RASSF8: variants seen among roughly 807,000 people sequenced by gnomAD.
RASSF8 encodes the protein Ras association domain family member 8, also known as ras association domain-containing protein 8.
RASSF8 carries 22 observed loss-of-function variants against 48.5 expected under a neutral mutation model. That is an observed-to-expected ratio of 0.45 (90% CI 0.32 to 0.65). The LOEUF is 0.65. Among genes scored for constraint, RASSF8 ranks in the 30% least tolerant of loss-of-function variants. The probability of loss-of-function intolerance (pLI) is 0.03; values close to 1 mark genes in which losing one functional copy is unlikely to be tolerated. For synonymous variants in RASSF8, 127 were observed against 171.5 expected (o/e 0.74, Z 2.03); for missense variants, 418 against 489.2 (o/e 0.85, Z 1.37).
chr12:26,074,944 C>T (rs369597390), downstream of RASSF8, among the ~76,000 whole-genome samples: 5 of 152,020 alleles, frequency 3.3e-5, no homozygotes, highest in South Asian at 4.1e-4. Context: ...AAATTTTAAG[C>T]GTGGAAATTA....
At chr12:26,053,725 C>T (rs1162345729) in intron 2 of RASSF8, among the ~76,000 whole-genome samples, 1 of 152,152 alleles carries the variant, frequency 6.6e-6, no homozygotes, top group East Asian at 1.9e-4. Context: ...CCAAGGTGGC[C>T]CCTTCTTTCT....
chr12:25,978,112 C>T (rs1164862977), intron 1 of RASSF8, among the ~76,000 whole-genome samples: 1 of 152,188 alleles, frequency 6.6e-6, no homozygotes, highest in Admixed American at 6.5e-5. Context: ...ACAGTGGATT[C>T]AGTCCTGTCG....
intron 2 of RASSF8, among the ~76,000 whole-genome samples, chr12:26,013,554 C>G (rs915437774): frequency 6.6e-6 from 1 of 152,066 alleles, no homozygotes; most frequent in East Asian, 1.9e-4. Flanking sequence ...AGTAGCCAGG[C>G]CTCTTCATTA....
chr12:26,062,233 A>G (rs758528968), intron 3 of RASSF8, among the ~76,000 whole-genome samples: 1 of 152,210 alleles, frequency 6.6e-6, no homozygotes, highest in Non-Finnish European at 1.5e-5. Flanking sequence ...GTTTGTACAC[A>G]TGGGACAGTT....
chr12:26,000,718 G>A (rs1361605343), intron 2 of RASSF8, among the ~76,000 whole-genome samples: 2 of 152,110 alleles, frequency 1.3e-5, no homozygotes, highest in African/African-American at 4.8e-5. Context: ...ACTGAATACG[G>A]TAGGCAATTG....
At chr12:26,008,099 C>T (rs955450442) in intron 2 of RASSF8, among the ~76,000 whole-genome samples, 4 of 152,012 alleles carry the variant, frequency 2.6e-5, no homozygotes, top group South Asian at 2.1e-4. Context: ...TGGTGAAACC[C>T]TGTCTGTACT....
intron 1 of RASSF8, 60 bp from the exon 2 acceptor site, chr12:25,994,977 A>C (rs1942099840): frequency 6.6e-6 from 1 of 152,180 alleles, no homozygotes; most frequent in African/African-American, 2.4e-5. Context: ...AAATGGAATG[A>C]TTTAGTATTT....
At chr12:26,034,351 GGAA>G (rs540336497) in intron 2 of RASSF8, among the ~76,000 whole-genome samples, 1 of 151,480 alleles carries the variant, frequency 6.6e-6, no homozygotes, top group South Asian at 2.1e-4. Context: ...GGGCCACATT[GGAA>G]GAAGAATTGA....
chr12:26,025,562 CAAAA>C (rs34036145), intron 2 of RASSF8, among the ~76,000 whole-genome samples: 20 of 100,702 alleles, frequency 2.0e-4, no homozygotes, highest in African/African-American at 6.5e-4. Context: ...GACTCTGTCT[CAAAA>C]AAAAAAAAAA....
chr12:26,025,247 G>C (rs988522867), intron 2 of RASSF8, among the ~76,000 whole-genome samples: 12 of 151,968 alleles, frequency 7.9e-5, no homozygotes, highest in Admixed American at 4.6e-4. Flanking sequence ...GAGACACTTA[G>C]GCAAGAACAT....
intron 2 of RASSF8, among the ~76,000 whole-genome samples, chr12:26,027,191 A>G (rs1271073392): frequency 1.3e-5 from 2 of 152,200 alleles, no homozygotes; most frequent in African/African-American, 4.8e-5. Flanking sequence ...TGGGGATTTG[A>G]TGGGAAATGG....
At chr12:25,996,559 G>A (rs1942138516) in intron 2 of RASSF8, among the ~76,000 whole-genome samples, 1 of 152,140 alleles carries the variant, frequency 6.6e-6, no homozygotes, top group Non-Finnish European at 1.5e-5. Context: ...GGTGGGGATT[G>A]TATGAGTTTG....
Position 25,995,588 on chromosome 12 carries a change from G to A in RASSF8, c.-109+458G>A, listed in dbSNP as rs373925097. On this transcript the variant is annotated intron_variant, in intron 2 of 5. Transcript: ENST00000689635. ...CTTTTCTCTATAATAATCTTGGTAA[G>A]TCTGGAAAATCCTTTAGCTTGTGTT... 2.6e-3 allele frequency among the ~76,000 whole-genome samples: 392 copies of A among 152,226 alleles called. 1 individual carries two copies. The highest frequency in any genetic ancestry group is 0.02 in the South Asian group (98 of 4,812).
At chr12:25,961,819 A>G (rs1743449608) in intron 1 of RASSF8, among the ~76,000 whole-genome samples, 1 of 152,180 alleles carries the variant, frequency 6.6e-6, no homozygotes, top group Non-Finnish European at 1.5e-5. Flanking sequence ...TCATCCATCC[A>G]AGGAGTAGCT....
At chr12:26,078,122 A>G (rs1260880819) in intron 5 of RASSF8, among the ~76,000 whole-genome samples, 1 of 152,214 alleles carries the variant, frequency 6.6e-6, no homozygotes, top group Non-Finnish European at 1.5e-5. Context: ...CCTACTGTGT[A>G]GTAGACACTG....
intron 2 of RASSF8, among the ~76,000 whole-genome samples, chr12:26,028,033 C>A (rs921855225): frequency 2.6e-5 from 4 of 152,118 alleles, no homozygotes; most frequent in African/African-American, 9.7e-5. Context: ...AAAGCCCATG[C>A]AGCATCGGGG....
chr12:26,029,748 A>G (rs1439728822), intron 2 of RASSF8, among the ~76,000 whole-genome samples: 3 of 152,190 alleles, frequency 2.0e-5, no homozygotes, highest in African/African-American at 4.8e-5. Flanking sequence ...CATTATTATT[A>G]TAACAGAAAA....
At chr12:26,060,221 A>G (rs1219898064) in intron 3 of RASSF8, among the ~76,000 whole-genome samples, 1 of 152,162 alleles carries the variant, frequency 6.6e-6, no homozygotes, top group Admixed American at 6.5e-5. Context: ...GTTTAGTAGT[A>G]GTGAGCTTAT....
rs1943991503 is a variant in RASSF8, at chr12:26,071,138, A to G, written c.*2320A>G. 2.1e-6 allele frequency: 2 copies of G among 975,174 alleles called. No homozygotes were observed. Among genetic ancestry groups the G allele is most frequent in the African/African-American group, 1.8e-5 (1 of 56,942 alleles). The allele number at this position is 975,174 out of a possible 1,614,324, so 60.4% of individuals were successfully genotyped here. On this transcript the variant is annotated 3_prime_UTR_variant, in exon 6 of 6. Coordinates refer to ENST00000689635, the MANE Select transcript of RASSF8 (RefSeq NM_001394098.1). ...GAAGCTGTACTTTTTAATTAGTTAT[A>G]TTACTTCTGGAAGCACATATCTAAG...
Sources: allele counts gnomAD v4.1 joint callset (sites outside exome capture counted in the v4.1 genomes callset), GRCh38; gene constraint gnomAD v4.1.1; transcripts MANE v1.5; gene names NCBI Gene and HGNC (gene_info 2026-07-23, HGNC 2026-07-21).